The following PLPPR5 variants were observed in gnomAD, a reference collection of about 807,000 sequenced individuals.
PLPPR5 encodes the protein phospholipid phosphatase related 5, also known as phospholipid phosphatase-related protein type 5.
A neutral mutation model predicts 33.9 loss-of-function variants in PLPPR5; 16 were observed. The observed-to-expected ratio is 0.47, with a 90% CI of 0.32 to 0.72. The LOEUF is 0.72. Ranked by LOEUF, PLPPR5 falls within the 30% of genes least tolerant of loss-of-function variation. The probability of loss-of-function intolerance (pLI) is 0.03; values close to 1 mark genes in which losing one functional copy is unlikely to be tolerated. For synonymous variants in PLPPR5, 163 were observed against 150.3 expected (o/e 1.08, Z -0.62); for missense variants, 301 against 406.7 (o/e 0.74, Z 2.23).
chr1:98,904,754 G>C (rs1307146636), intron 5 of PLPPR5, among the ~76,000 whole-genome samples: 1 of 152,124 alleles, frequency 6.6e-6, no homozygotes, highest in East Asian at 1.9e-4. Context: ...TCATCTGGAA[G>C]GACTGCCAAT....
Position 98,931,366 on chromosome 1 carries a change from G to C in PLPPR5, c.622-9308C>G, listed in dbSNP as rs77819586. Among the ~76,000 whole-genome samples, 34 of 152,112 alleles carry C rather than the reference G, an allele frequency of 2.2e-4. 1 individual carries two copies. Among genetic ancestry groups the C allele is most frequent in the Admixed American group, 2.0e-3 (31 of 15,274 alleles). On this transcript the variant is annotated intron_variant, in intron 3 of 5. Transcript: ENST00000263177. Reference sequence around the variant, plus strand: ...CGGTGCTTTACATGCACTCAATCAGGTAATCCAAACAATTCCATGACATTG... The same window carrying C: ...CGGTGCTTTACATGCACTCAATCAGCTAATCCAAACAATTCCATGACATTG...
At chr1:98,911,285 A>C (rs185737809) in intron 5 of PLPPR5, among the ~76,000 whole-genome samples, 62 of 152,354 alleles carry the variant, frequency 4.1e-4, no homozygotes, top group African/African-American at 1.4e-3. Context: ...GGGGGAAACC[A>C]AATCAGATTC....
chr1:98,980,727 T>G (rs1466340250), intron 1 of PLPPR5, among the ~76,000 whole-genome samples: 1 of 152,104 alleles, frequency 6.6e-6, no homozygotes, highest in Non-Finnish European at 1.5e-5. Context: ...AGACATGTAT[T>G]ATACAGGTGA....
rs147692256 is a variant in PLPPR5 at position 98,934,389 on chromosome 1, G to C, written c.622-12331C>G. Among the ~76,000 whole-genome samples the C allele has an allele frequency of 3.2e-3, 485 of 152,250 alleles. 2 individuals carry two copies. The highest frequency in any genetic ancestry group is 5.1e-3 in the Non-Finnish European group (348 of 68,006). On this transcript the variant is annotated intron_variant, in intron 3 of 5. Coordinates refer to ENST00000263177, the MANE Select transcript of PLPPR5 (RefSeq NM_001037317.2). ...TTCCTAGAATACCACTGAACATATA[G>C]TATATAGAAAAAGCTATTAATTAAA...
intron 1 of PLPPR5, among the ~76,000 whole-genome samples, chr1:98,977,415 A>AT (rs979629063): frequency 5.3e-5 from 8 of 150,872 alleles, no homozygotes; most frequent in African/African-American, 1.9e-4. Context: ...TTTGTTCCTT[A>AT]TTTTTTTCTC....
intron 3 of PLPPR5, among the ~76,000 whole-genome samples, chr1:98,929,735 T>C (rs1489949068): frequency 6.6e-6 from 1 of 152,148 alleles, no homozygotes; most frequent in Non-Finnish European, 1.5e-5. Flanking sequence ...AGACTATTTA[T>C]CTCCAGTATG....
At chr1:98,928,548 C>CATATATATATATATAGATAT (rs1649846478) in intron 3 of PLPPR5, among the ~76,000 whole-genome samples, 1 of 73,880 alleles carries the variant, frequency 1.4e-5, no homozygotes, top group African/African-American at 4.0e-5. Context: ...AGTTTTAAAT[C>CATATATATATATATAGATAT]ATATATATAT....
At chr1:98,918,824 A>G (rs1220371435) in intron 4 of PLPPR5, among the ~76,000 whole-genome samples, 1 of 152,228 alleles carries the variant, frequency 6.6e-6, no homozygotes, top group Non-Finnish European at 1.5e-5. Flanking sequence ...AACTCTGGGA[A>G]GTAAATAAAA....
chr1:98,952,929 A>AT lies in PLPPR5; in HGVS notation c.621+140dup, dbSNP rs1255606675. ...TTTGTTCAGAGTACAAACAGCTATT[A>AT]TTAAAAATAGATTAAATGGCCTACA... On this transcript the variant is annotated intron_variant, in intron 3 of 5. Transcript: ENST00000263177. 1.3e-5 allele frequency: 13 copies of AT among 1,012,542 alleles called. No homozygotes were observed. The Admixed American group carries it at 1.4e-4, about 11-fold the overall frequency. 62.7% of individuals were successfully genotyped at this position (1,012,542 alleles called of 1,614,324 possible). A position where few individuals can be genotyped will look rare whatever the true frequency, so the allele number is the denominator to read the frequency against.
intron 1 of PLPPR5, among the ~76,000 whole-genome samples, chr1:98,987,976 A>C (rs1028468764): frequency 6.6e-6 from 1 of 152,072 alleles, no homozygotes; most frequent in African/African-American, 2.4e-5. Flanking sequence ...AGAATTTGGA[A>C]ACTATTCATG....
chr1:98,917,097 A>C (rs1649383758), intron 4 of PLPPR5, among the ~76,000 whole-genome samples: 1 of 152,014 alleles, frequency 6.6e-6, no homozygotes, highest in South Asian at 2.1e-4. Context: ...CCCACTCCAA[A>C]CTTGATCTCT....
intron 1 of PLPPR5, among the ~76,000 whole-genome samples, chr1:98,962,480 A>G (rs1651282888): frequency 6.6e-6 from 1 of 152,178 alleles, no homozygotes; most frequent in African/African-American, 2.4e-5. Flanking sequence ...TCTATTTCAA[A>G]TAAGACCACT....
chr1:98,938,290 G>A (rs942541297), intron 3 of PLPPR5, among the ~76,000 whole-genome samples: 8 of 151,850 alleles, frequency 5.3e-5, no homozygotes, highest in Admixed American at 5.3e-4. Flanking sequence ...TAATAAACTA[G>A]TGTGAATGCA....
chr1:98,939,839 T>C (rs992579809), intron 3 of PLPPR5, among the ~76,000 whole-genome samples: 1 of 151,970 alleles, frequency 6.6e-6, no homozygotes, highest in African/African-American at 2.4e-5. Flanking sequence ...GCTCATTCCC[T>C]GAGCCTCATT....
chr1:98,930,048 G>T (rs1649908500), intron 3 of PLPPR5, among the ~76,000 whole-genome samples: 1 of 152,078 alleles, frequency 6.6e-6, no homozygotes, highest in South Asian at 2.1e-4. Context: ...AAAATTCCCT[G>T]ACTAGCAAGT....
chr1:98,912,751 A>C (rs1218246655), intron 5 of PLPPR5, among the ~76,000 whole-genome samples: 3 of 152,202 alleles, frequency 2.0e-5, no homozygotes, highest in Non-Finnish European at 4.4e-5. Flanking sequence ...AATGAGGATC[A>C]TGTTTAAAAA....
At chr1:98,904,261 CTT>C (rs1050471002) in intron 5 of PLPPR5, among the ~76,000 whole-genome samples, 117 of 117,314 alleles carry the variant, frequency 1.0e-3, no homozygotes, top group Middle Eastern at 4.5e-3. Context: ...ATTACTTTCC[CTT>C]TTTTTTTTTT....
intron 5 of PLPPR5, among the ~76,000 whole-genome samples, chr1:98,896,418 C>T (rs1340250979): frequency 6.6e-6 from 1 of 152,034 alleles, no homozygotes; most frequent in East Asian, 1.9e-4. Context: ...TGCAAAAAAG[C>T]AGTAGGCAAA....
chr1:98,926,388 C>G (rs1440007118), intron 3 of PLPPR5, among the ~76,000 whole-genome samples: 1 of 150,102 alleles, frequency 6.7e-6, no homozygotes, highest in African/African-American at 2.5e-5. Flanking sequence ...ATCTTTAAAC[C>G]GATTTCCAGA....
Sources: gnomAD v4.1 joint callset for allele counts (sites outside exome capture counted in the v4.1 genomes callset) on GRCh38, gnomAD v4.1.1 for gene constraint, MANE v1.5 for transcripts, NCBI Gene and HGNC (gene_info 2026-07-23, HGNC 2026-07-21) for gene names.